AIFM3: variants seen among roughly 807,000 people sequenced by gnomAD.
The protein encoded by AIFM3 is AIF family member 3, also known as apoptosis-inducing factor 3.
In AIFM3, 71 loss-of-function variants were observed where a neutral mutation model predicts 82.7. The observed-to-expected ratio is 0.86, with a 90% CI of 0.71 to 1.05. The LOEUF (loss-of-function observed/expected upper bound fraction) is 1.05, where lower values mean the gene tolerates loss of function less well. Ranked by LOEUF, AIFM3 falls within the 50% of genes least tolerant of loss-of-function variation. AIFM3 has a pLI of 0.00. For missense variants in AIFM3, 748 were observed against 816.7 expected (o/e 0.92, Z 1.03); for synonymous variants, 337 against 329.1 (o/e 1.02, Z -0.26).
rs1310620028 is a variant in AIFM3 at position 20,979,287 on chromosome 22, G to C, written c.1494G>C (p.Gln498His). The change falls in exon 17 of 21, where the codon CAG becomes CAC. Residue 498 changes from glutamine (Q) to histidine (H), a missense_variant. Physicochemically the swap from Gln to His is conservative, Grantham distance 24 (BLOSUM62 0). Transcript: ENST00000440238. Reference protein sequence around the residue: ...MAHAQGRVAAQNMLAQEAEMS... With the variant: ...MAHAQGRVAAHNMLAQEAEMS... Reference sequence around the variant, plus strand: ...GTCCCGCAGGGCGCGTGGCAGCCCAGAACATGTTGGCGCAGGAGGCGGAGA... The same window carrying C: ...GTCCCGCAGGGCGCGTGGCAGCCCACAACATGTTGGCGCAGGAGGCGGAGA... 7 of 1,557,894 alleles carry C rather than the reference G, an allele frequency of 4.5e-6. No homozygotes were observed. The East Asian group carries it at 1.7e-4, about 38-fold the overall frequency.
At position 20,967,804 on chromosome 22, in the gene AIFM3, G is replaced by A; in HGVS notation, c.-140-1G>A. The A allele has an allele frequency of 1.2e-6, 1 of 863,008 alleles. No homozygotes were observed. Among genetic ancestry groups the A allele is most frequent in the East Asian group, 2.5e-5 (1 of 39,732 alleles). 53.5% of individuals were successfully genotyped at this position (863,008 alleles called of 1,614,324 possible). A position where few individuals can be genotyped will look rare whatever the true frequency, so the allele number is the denominator to read the frequency against. ...CCTGATGGCTCCAGTCTCCCCTGCA[G>A]GTCCTAGAGCAGCTCCAGCAGGATG... On this transcript the variant is annotated splice_acceptor_variant, in intron 1 of 20. Coordinates refer to ENST00000440238, the MANE Select transcript of AIFM3 (RefSeq NM_001386814.1). LOFTEE classifies it low-confidence loss of function (5UTR_SPLICE).
chr22:20,979,235 C>G (rs770914695), intron 16 of AIFM3, 36 bp from the exon 17 acceptor site: 3 of 1,548,188 alleles, frequency 1.9e-6, no homozygotes, highest in Non-Finnish European at 2.6e-6. Context: ...GTGGTAAGAG[C>G]GAGAGTTAGG....
intron 18 of AIFM3, 137 bp downstream of exon 18, chr22:20,979,839 C>A: frequency 7.9e-7 from 1 of 1,259,110 alleles, no homozygotes; most frequent in Non-Finnish European, 1.1e-6. Flanking sequence ...CTTAGGAAAG[C>A]CCGAAGCTTG....
At position 20,979,494 on chromosome 22, in the gene AIFM3, C is replaced by T. The variant is rs1035760135; in HGVS notation, c.1576+125C>T. 6 of 1,476,670 alleles carry T rather than the reference C, an allele frequency of 4.1e-6. No individual in the cohort carries two copies. In the Admixed American group the frequency reaches 6.9e-5, roughly 17 times the overall value. 91.5% of individuals were successfully genotyped at this position (1,476,670 alleles called of 1,614,324 possible). On this transcript the variant is annotated intron_variant, in intron 17 of 20. Transcript: ENST00000440238. ...CACTAGGAAGAGGCCGGTAAGAACTCGCTGGCGGCAAGGCTACGAACTACC... is the reference window on the plus strand; with the variant it reads ...CACTAGGAAGAGGCCGGTAAGAACTTGCTGGCGGCAAGGCTACGAACTACC...
At position 20,981,085 on chromosome 22, in the gene AIFM3, A is replaced by C. The variant is rs1313485633; in HGVS notation, c.*54A>C. 4 of 1,610,156 alleles carry C rather than the reference A, an allele frequency of 2.5e-6. No individual in the cohort carries two copies. The highest frequency in any genetic ancestry group is 4.5e-5 in the East Asian group (2 of 44,732). ...AAGGGGGCACCAAGGGCACAGGCCAAGCCTTGGGGGCAGGTGCCAATCTCC... is the reference window on the plus strand; with the variant it reads ...AAGGGGGCACCAAGGGCACAGGCCACGCCTTGGGGGCAGGTGCCAATCTCC... On this transcript the variant is annotated 3_prime_UTR_variant, in exon 21 of 21. Coordinates refer to ENST00000440238, the MANE Select transcript of AIFM3 (RefSeq NM_001386814.1).
Position 20,976,403 on chromosome 22 carries a change from C to T in AIFM3, c.900-5C>T. 1 of 1,613,924 alleles carries T rather than the reference C, an allele frequency of 6.2e-7. No individual in the cohort carries two copies. The highest frequency in any genetic ancestry group is 8.5e-7 in the Non-Finnish European group (1 of 1,180,014). On this transcript the variant is annotated splice_region_variant and splice_polypyrimidine_tract_variant and intron_variant, in intron 10 of 20. Coordinates refer to ENST00000440238, the MANE Select transcript of AIFM3 (RefSeq NM_001386814.1). ...GAGGCCCTCACTGACACGGCCATGTCTCAGCCCCAAGACTCTGAGCTGCAA... is the reference window on the plus strand; with the variant it reads ...GAGGCCCTCACTGACACGGCCATGTTTCAGCCCCAAGACTCTGAGCTGCAA...
At chr22:20,980,941 T>C in intron 20 of AIFM3, 51 bp from the exon 21 acceptor site, 2 of 1,613,736 alleles carry the variant, frequency 1.2e-6, no homozygotes, top group Non-Finnish European at 1.7e-6. Flanking sequence ...GTGCCCAGAG[T>C]GGAGAGCCTG....
In AIFM3 at chr22:20,977,014, T is replaced by C. The variant is rs754933734; in HGVS notation, c.1219-18T>C. ...CCTGGGAGCTGGGTCCACCTGTTTATCCACCCACTCCCCACAGCTGAAGGA... is the reference window on the plus strand; with the variant it reads ...CCTGGGAGCTGGGTCCACCTGTTTACCCACCCACTCCCCACAGCTGAAGGA... On this transcript the variant is annotated intron_variant, in intron 13 of 20. Transcript: ENST00000440238. 5.6e-6 allele frequency: 9 copies of C among 1,614,160 alleles called. No individual in the cohort carries two copies. The highest frequency in any genetic ancestry group is 7.6e-6 in the Non-Finnish European group (9 of 1,180,014).
intron 6 of AIFM3, 56 bp downstream of exon 6, chr22:20,974,352 C>T: frequency 6.3e-7 from 1 of 1,597,312 alleles, no homozygotes; most frequent in Non-Finnish European, 8.5e-7. Flanking sequence ...GGCATCTTGG[C>T]CCAGAGAATG....
rs116635261 is a variant in AIFM3 at position 20,980,100 on chromosome 22, G to A, written c.1733G>A (p.Arg578His). 184 of 1,609,356 alleles carry A rather than the reference G, an allele frequency of 1.1e-4. No individual in the cohort carries two copies. The African/African-American group carries it at 2.2e-3, about 20-fold the overall frequency. ...SKVAEVLASG[R>H]AIRKREVELF... ...GTCGCTGAGGTGCTGGCCTCAGGCC[G>A]TGCCATCCGGAAGCGGGAGGTGGAG... The change falls in exon 19 of 21, where the codon CGT becomes CAT. Residue 578 changes from arginine to histidine, a missense_variant. Around this residue, in one of 5 missense-constraint regions of AIFM3, gnomAD observed 183 missense variants for 158.2 expected, o/e 1.16. Coordinates refer to ENST00000440238, the MANE Select transcript of AIFM3 (RefSeq NM_001386814.1).
chr22:20,971,663 G>C (rs1402937652), intron 2 of AIFM3, among the ~76,000 whole-genome samples: 1 of 152,218 alleles, frequency 6.6e-6, no homozygotes, highest in Non-Finnish European at 1.5e-5. Context: ...GTAAAACCCA[G>C]AGGTGCTGGT....
chr22:20,980,176 G>C, intron 19 of AIFM3, 52 bp downstream of exon 19: 1 of 1,549,916 alleles, frequency 6.5e-7, no homozygotes, highest in Non-Finnish European at 8.8e-7. Flanking sequence ...CTGGAGTACT[G>C]GCTAAGGTGC....
At chr22:20,973,699 A>G in intron 3 of AIFM3, 59 bp from the exon 4 acceptor site, 1 of 1,460,458 alleles carries the variant, frequency 6.8e-7, no homozygotes, top group Non-Finnish European at 9.2e-7. Flanking sequence ...CACTGGGAGG[A>G]GCTGCCAGGA....
chr22:20,974,638 T>A lies in AIFM3; in HGVS notation c.607+17T>A. 1 of 1,613,444 alleles carries A rather than the reference T, an allele frequency of 6.2e-7. No homozygotes were observed. Among genetic ancestry groups the A allele is most frequent in the Non-Finnish European group, 8.5e-7 (1 of 1,179,756 alleles). ...TGGGTGCAGGTTGGTAGTGGGGTCA[T>A]GAGGGGCAGGGTGGGAGATGGGATT... On this transcript the variant is annotated intron_variant, in intron 7 of 20. Coordinates refer to ENST00000440238, the MANE Select transcript of AIFM3 (RefSeq NM_001386814.1).
chr22:20,972,144 C>T, intron 2 of AIFM3, among the ~76,000 whole-genome samples: 1 of 152,246 alleles, frequency 6.6e-6, no homozygotes, highest in South Asian at 2.1e-4. Flanking sequence ...GTGGCCCACG[C>T]CTGTAATCCC....
intron 2 of AIFM3, among the ~76,000 whole-genome samples, chr22:20,971,966 TGG>T (rs11090488): frequency 0.021 from 2,945 of 139,108 alleles, 114 homozygotes; most frequent in African/African-American, 0.072. Context: ...ATGGAGGCTG[TGG>T]GGGGGGGGGG....
chr22:20,979,171 G>T (rs1355053138), intron 16 of AIFM3, 100 bp from the exon 17 acceptor site: 31 of 1,155,004 alleles, frequency 2.7e-5, no homozygotes, highest in Admixed American at 1.2e-4. Context: ...AGACCAGGAG[G>T]AGTAGCCACA....
At chr22:20,977,262 T>C (rs1923750755) in intron 14 of AIFM3, 167 bp downstream of exon 14, 2 of 980,438 alleles carry the variant, frequency 2.0e-6, no homozygotes, top group Non-Finnish European at 3.0e-6. Flanking sequence ...GGGGAAGGTA[T>C]GTACTGGGCT....
Position 20,974,759 on chromosome 22 carries a change from G to T in AIFM3, c.663G>T (p.Arg221=). 1 of 1,613,732 alleles carries T rather than the reference G, an allele frequency of 6.2e-7. No individual in the cohort carries two copies. The highest frequency in any genetic ancestry group is 8.5e-7 in the Non-Finnish European group (1 of 1,179,972). Residue 221 remains arginine (R), a synonymous_variant, in exon 8 of 21, where the codon CGG becomes CGT. Coordinates refer to ENST00000440238, the MANE Select transcript of AIFM3 (RefSeq NM_001386814.1). ...ETLRQEGFSD[R]IVLCTLDRHL... The stretch of plus-strand genomic sequence containing the variant: ...TGCGGCAGGAGGGCTTCTCCGACCG[G>T]ATCGTCCTGTGCACGCTAGACCGGC...
Sources: gnomAD v4.1 joint callset for allele counts (sites outside exome capture counted in the v4.1 genomes callset) on GRCh38, gnomAD v4.1.1 for gene constraint, gnomAD v4.1.1 regional missense constraint, MANE v1.5 for transcripts, NCBI Gene and HGNC (gene_info 2026-07-23, HGNC 2026-07-21) for gene names.